STX6: variants seen among roughly 807,000 people sequenced by gnomAD.
The protein encoded by STX6 is syntaxin 6.
In STX6, 23 loss-of-function variants were observed where a neutral mutation model predicts 38.0. That is an observed-to-expected ratio of 0.60 (90% CI 0.43 to 0.86). The LOEUF (loss-of-function observed/expected upper bound fraction) is 0.86, where lower values mean the gene tolerates loss of function less well. STX6 is among the 40% of genes least tolerant of loss of function. The probability of loss-of-function intolerance (pLI) is 0.00; values close to 1 mark genes in which losing one functional copy is unlikely to be tolerated. For synonymous variants in STX6, 123 were observed against 107.5 expected, an observed-to-expected ratio of 1.14 and a Z score of -0.89; for missense variants, 274 against 312.9, an observed-to-expected ratio of 0.88 and a Z score of 0.94.
At chr1:180,989,426 G>A (rs1261466543) in intron 5 of STX6, 1 of 151,464 alleles carries the variant, frequency 6.6e-6, no homozygotes, top group Admixed American at 6.6e-5. Flanking sequence ...AACTCGGGAG[G>A]CGGAGGTTGC....
intron 6 of STX6, among the ~76,000 whole-genome samples, chr1:180,985,397 T>C (rs1055065392): frequency 6.6e-6 from 1 of 152,248 alleles, no homozygotes; most frequent in African/African-American, 2.4e-5. Context: ...CACAGGGCTC[T>C]TGTGAGAACC....
At chr1:180,994,014 T>C (rs1655829944) in intron 3 of STX6, among the ~76,000 whole-genome samples, 1 of 152,228 alleles carries the variant, frequency 6.6e-6, no homozygotes, top group Admixed American at 6.5e-5. Flanking sequence ...ATGAAAGGTA[T>C]AGACTATTCC....
intron 1 of STX6, among the ~76,000 whole-genome samples, chr1:181,010,633 CTTT>C (rs1000193783): frequency 6.6e-6 from 1 of 151,708 alleles, no homozygotes; most frequent in African/African-American, 2.4e-5. Context: ...GAATATGACT[CTTT>C]TTTTTCTTTT....
At chr1:181,006,187 C>T (rs1035324895) in intron 1 of STX6, among the ~76,000 whole-genome samples, 1 of 151,930 alleles carries the variant, frequency 6.6e-6, no homozygotes, top group African/African-American at 2.4e-5. Flanking sequence ...CTTAGCCTCC[C>T]GAGTAGCTGG....
In STX6 at chr1:181,022,632, C is replaced by A. The variant is rs749983054; in HGVS notation, c.35+7G>T. 2.9e-5 allele frequency: 47 copies of A among 1,609,290 alleles called. No homozygotes were observed. The highest frequency in any genetic ancestry group is 3.8e-5 in the Non-Finnish European group (45 of 1,178,040). On this transcript the variant is annotated splice_region_variant and intron_variant, in intron 1 of 7. Coordinates refer to ENST00000258301, the MANE Select transcript of STX6 (RefSeq NM_005819.6). ...TTCCTCCGGTGGAGCGCTCGGCCGA[C>A]ACTCACCCTTTCACCACAAAGAAGG... is the stretch of plus-strand genomic sequence containing the variant.
At chr1:181,000,138 T>G (rs1656035193) in intron 3 of STX6, among the ~76,000 whole-genome samples, 1 of 152,134 alleles carries the variant, frequency 6.6e-6, no homozygotes, top group Non-Finnish European at 1.5e-5. Flanking sequence ...GGTCATAAAT[T>G]TAAACAAGAA....
chr1:180,990,160 C>T (rs751079383), intron 4 of STX6, 51 bp from the exon 5 acceptor site: 1 of 1,608,710 alleles, frequency 6.2e-7, no homozygotes, highest in East Asian at 2.2e-5. Flanking sequence ...CAATTACTAT[C>T]TCTGAACAAG....
intron 3 of STX6, among the ~76,000 whole-genome samples, chr1:180,999,172 T>TA (rs1489712100): frequency 8.5e-5 from 13 of 152,342 alleles, no homozygotes; most frequent in Admixed American, 7.9e-4. Flanking sequence ...TTCTAACTTT[T>TA]AAAGTCAGAG....
intron 1 of STX6, among the ~76,000 whole-genome samples, chr1:181,014,637 T>C (rs1489199839): frequency 1.3e-5 from 2 of 152,122 alleles, no homozygotes; most frequent in East Asian, 1.9e-4. Context: ...CTGCAACACA[T>C]CAGACTCCCA....
chr1:180,983,227 C>A lies in STX6; in HGVS notation c.691+1450G>T, dbSNP rs534739497. 9.1e-4 allele frequency among the ~76,000 whole-genome samples: 138 copies of A among 152,284 alleles called. 1 individual carries two copies. Among genetic ancestry groups the A allele is most frequent in the Middle Eastern group, 6.8e-3 (2 of 294 alleles). On this transcript the variant is annotated intron_variant, in intron 7 of 7. Transcript: ENST00000258301. ...GTTAAACTTCTGAAAAGTAAACCTG[C>A]ATATGTATTTAAATATTGCTTCAAA... is the stretch of plus-strand genomic sequence containing the variant.
chr1:181,003,197 C>CA (rs1246961136), intron 2 of STX6, among the ~76,000 whole-genome samples: 1 of 152,224 alleles, frequency 6.6e-6, no homozygotes, highest in Non-Finnish European at 1.5e-5. Context: ...CGCACCATGT[C>CA]AGACACTTGC....
intron 1 of STX6, among the ~76,000 whole-genome samples, chr1:181,018,229 C>CAA (rs1656618517): frequency 6.6e-6 from 1 of 151,254 alleles, no homozygotes; most frequent in African/African-American, 2.4e-5. Context: ...ACTAAAAATA[C>CAA]AAAATTAGCC....
At chr1:181,015,173 T>A (rs1656520599) in intron 1 of STX6, among the ~76,000 whole-genome samples, 1 of 152,146 alleles carries the variant, frequency 6.6e-6, no homozygotes, top group Non-Finnish European at 1.5e-5. Context: ...CATTCACAAG[T>A]TCAAAGCACC....
chr1:180,991,603 T>A (rs1655758542), intron 4 of STX6, among the ~76,000 whole-genome samples: 1 of 152,194 alleles, frequency 6.6e-6, no homozygotes, highest in Non-Finnish European at 1.5e-5. Context: ...CCACGTTTTA[T>A]TGTGAAATAG....
chr1:180,973,238 G>A lies in STX6; in HGVS notation c.*3332C>T, dbSNP rs1413315608. The stretch of plus-strand genomic sequence containing the variant: ...TTTACAAATTCATCTTGCAGTACAA[G>A]GTGAAGCCAAATGGTACAAAGTCCA... On this transcript the variant is annotated 3_prime_UTR_variant, in exon 8 of 8. Transcript: ENST00000258301. 1 of 152,102 alleles carries A rather than the reference G, an allele frequency of 6.6e-6. No individual in the cohort carries two copies. The highest frequency in any genetic ancestry group is 1.5e-5 in the Non-Finnish European group (1 of 68,046). The allele number at this position is 152,102 out of a possible 1,614,324, so 9.4% of individuals were successfully genotyped here.
At position 181,007,805 on chromosome 1, in the gene STX6, A is replaced by G. The variant is rs7539276; in HGVS notation, c.36-2342T>C. ...TACTATATTAGGAATTCAAACAGAC[A>G]TTTTAAAAATATTTGTCAACTTTAA... On this transcript the variant is annotated intron_variant, in intron 1 of 7. Coordinates refer to ENST00000258301, the MANE Select transcript of STX6 (RefSeq NM_005819.6). Among the ~76,000 whole-genome samples the G allele has an allele frequency of 9.3e-3, 1,418 of 152,352 alleles. 20 individuals are homozygous for G. Among genetic ancestry groups the G allele is most frequent in the African/African-American group, 0.033 (1,361 of 41,578 alleles).
intron 1 of STX6, among the ~76,000 whole-genome samples, chr1:181,018,800 T>C (rs1232493653): frequency 2.6e-5 from 4 of 152,212 alleles, no homozygotes; most frequent in African/African-American, 9.7e-5. Flanking sequence ...ACCAAATCAA[T>C]ATTCCTAAAA....
chr1:181,010,443 G>A (rs531017176), intron 1 of STX6, among the ~76,000 whole-genome samples: 1 of 151,744 alleles, frequency 6.6e-6, no homozygotes, highest in African/African-American at 2.4e-5. Context: ...CTGATATTAT[G>A]GGTATGCGCC....
At chr1:181,003,073 C>T (rs1656129125) in intron 2 of STX6, among the ~76,000 whole-genome samples, 1 of 152,216 alleles carries the variant, frequency 6.6e-6, no homozygotes, top group Admixed American at 6.5e-5. Flanking sequence ...TTTCTCCTGC[C>T]ATTCCAAACC....
Sources: gnomAD v4.1 joint callset for allele counts (sites outside exome capture counted in the v4.1 genomes callset) on GRCh38, gnomAD v4.1.1 for gene constraint, MANE v1.5 for transcripts, NCBI Gene and HGNC (gene_info 2026-07-23, HGNC 2026-07-21) for gene names.